The following EYS variants were observed in gnomAD, a reference collection of about 807,000 sequenced individuals.
The protein encoded by EYS is protein eyes shut homolog.
A neutral mutation model predicts 282.1 loss-of-function variants in EYS; 250 were observed. The ratio of observed to expected loss-of-function variants is 0.89; its 90% CI spans 0.80 to 0.98. EYS has a LOEUF of 0.98. Among genes scored for constraint, EYS ranks in the 50% least tolerant of loss-of-function variants. The pLI is 0.00. For missense variants in EYS, 4,016 were observed against 3,709.0 expected (o/e 1.08, Z -2.15); for synonymous variants, 1,355 against 1,282.9 (o/e 1.06, Z -1.20).
intron 33 of EYS, among the ~76,000 whole-genome samples, chr6:64,045,965 T>C (rs939831331): frequency 1.4e-5 from 2 of 147,430 alleles, no homozygotes; most frequent in Non-Finnish European, 3.0e-5. Context: ...ATTTTATATA[T>C]GTAATCTATA....
chr6:65,250,343 T>C (rs777543026), intron 12 of EYS, among the ~76,000 whole-genome samples: 11 of 151,996 alleles, frequency 7.2e-5, no homozygotes, highest in Non-Finnish European at 1.2e-4. Context: ...AAAAAATAAG[T>C]CTAGGTTATA....
At chr6:64,031,321 A>G (rs1769820904) in intron 33 of EYS, among the ~76,000 whole-genome samples, 1 of 152,194 alleles carries the variant, frequency 6.6e-6, no homozygotes, top group Non-Finnish European at 1.5e-5. Context: ...TGCTGTGCTC[A>G]ATTTCTCGCC....
intron 41 of EYS, among the ~76,000 whole-genome samples, chr6:63,741,091 T>C (rs1011801866): frequency 7.9e-5 from 12 of 152,192 alleles, no homozygotes; most frequent in Non-Finnish European, 1.2e-4. Context: ...TTCTGGCCAA[T>C]AGCTTCAGGG....
chr6:65,469,206 C>T (rs929289115), intron 5 of EYS, among the ~76,000 whole-genome samples: 45 of 152,034 alleles, frequency 3.0e-4, no homozygotes, highest in African/African-American at 5.3e-4. Context: ...CCAATTCTAG[C>T]GACCTTATAT....
chr6:64,611,139 G>A (rs1441771819), intron 24 of EYS, among the ~76,000 whole-genome samples: 2 of 152,150 alleles, frequency 1.3e-5, no homozygotes, highest in African/African-American at 4.8e-5. Flanking sequence ...TCTGGGGAGA[G>A]GAAAATACAT....
intron 1 of EYS, among the ~76,000 whole-genome samples, chr6:65,662,693 A>G (rs1381963773): frequency 6.6e-6 from 1 of 152,178 alleles, no homozygotes; most frequent in Non-Finnish European, 1.5e-5. Flanking sequence ...CAAGAACCAC[A>G]GTGTTGAAAT....
chr6:64,923,411 C>A (rs759645091), intron 15 of EYS, among the ~76,000 whole-genome samples: 11 of 152,152 alleles, frequency 7.2e-5, no homozygotes, highest in Non-Finnish European at 1.5e-4. Context: ...CTGGGATATA[C>A]AATTCAAGTT....
intron 31 of EYS, among the ~76,000 whole-genome samples, chr6:64,125,474 T>A (rs963013605): frequency 4.0e-5 from 6 of 149,340 alleles, no homozygotes; most frequent in African/African-American, 1.5e-4. Context: ...GTGGAAGGAG[T>A]GAAGTTTAAA....
chr6:65,582,594 A>C (rs773289527), intron 2 of EYS, among the ~76,000 whole-genome samples: 38 of 152,158 alleles, frequency 2.5e-4, no homozygotes, highest in Non-Finnish European at 8.8e-5. Context: ...TTTTGCTATC[A>C]TTGGAAAACA....
intron 15 of EYS, among the ~76,000 whole-genome samples, chr6:64,915,256 G>A (rs1768123675): frequency 6.6e-6 from 1 of 151,984 alleles, no homozygotes; most frequent in Admixed American, 6.6e-5. Flanking sequence ...ATACACTTTA[G>A]GAACTCATCA....
At position 65,123,758 on chromosome 6, in the gene EYS, CCACA is replaced by C. The variant is rs34701707; in HGVS notation, c.2024-66035_2024-66032del. 1.1e-3 allele frequency among the ~76,000 whole-genome samples: 157 copies of C among 147,078 alleles called. 1 individual carries two copies. The highest frequency in any genetic ancestry group is 2.5e-3 in the African/African-American group (102 of 40,126). ...CAGCTGACTTATAACACCCACCCAC[CCACA>C]CACACACACACACACACACACACAC... On this transcript the variant is annotated intron_variant, in intron 12 of 42. Transcript: ENST00000503581.
chr6:64,660,774 G>T (rs1363895005), intron 22 of EYS, among the ~76,000 whole-genome samples: 2 of 152,150 alleles, frequency 1.3e-5, no homozygotes, highest in East Asian at 1.9e-4. Context: ...CACGCTCATG[G>T]GTAAGAAGAA....
chr6:65,065,923 T>C (rs1255394335), intron 12 of EYS, among the ~76,000 whole-genome samples: 1 of 152,218 alleles, frequency 6.6e-6, no homozygotes, highest in East Asian at 1.9e-4. Context: ...GTAAATTTCA[T>C]TGGCTGTCTA....
chr6:64,780,579 T>G (rs896420560), intron 22 of EYS, among the ~76,000 whole-genome samples: 15 of 152,152 alleles, frequency 9.9e-5, no homozygotes, highest in African/African-American at 1.4e-4. Context: ...ATGTTCATTA[T>G]TGGGCGATGG....
intron 30 of EYS, among the ~76,000 whole-genome samples, chr6:64,253,493 A>G (rs1046134938): frequency 3.9e-5 from 6 of 152,186 alleles, no homozygotes; most frequent in African/African-American, 1.2e-4. Context: ...TTACACTACT[A>G]TAGTTATCGT....
At chr6:63,819,491 T>C (rs143419815) in intron 36 of EYS, among the ~76,000 whole-genome samples, 6 of 152,318 alleles carry the variant, frequency 3.9e-5, no homozygotes, top group African/African-American at 1.2e-4. Flanking sequence ...ATCTGTGTAG[T>C]ATGATTGTGG....
intron 11 of EYS, among the ~76,000 whole-genome samples, chr6:65,299,004 G>T (rs1236871720): frequency 6.6e-6 from 1 of 152,020 alleles, no homozygotes; most frequent in Non-Finnish European, 1.5e-5. Flanking sequence ...CTATAGAGAG[G>T]ATCCATAGGA....
intron 24 of EYS, among the ~76,000 whole-genome samples, chr6:64,616,093 T>G (rs542051043): frequency 5.9e-4 from 90 of 152,292 alleles, no homozygotes; most frequent in Non-Finnish European, 1.1e-3. Context: ...TTTGTTTTTA[T>G]GAAAACATAT....
At chr6:65,410,830 T>C (rs1766963372) in intron 5 of EYS, among the ~76,000 whole-genome samples, 1 of 151,824 alleles carries the variant, frequency 6.6e-6, no homozygotes, top group South Asian at 2.1e-4. Context: ...ATAAAGAAAA[T>C]GTTAACTATA....
Sources: allele counts gnomAD v4.1 joint callset (sites outside exome capture counted in the v4.1 genomes callset), GRCh38; gene constraint gnomAD v4.1.1; transcripts MANE v1.5; gene names NCBI Gene and HGNC (gene_info 2026-07-23, HGNC 2026-07-21).